IP6K2: variants seen among roughly 807,000 people sequenced by gnomAD.
IP6K2 encodes inositol hexakisphosphate kinase 2.
Under a neutral mutation model 43.3 loss-of-function variants are expected in IP6K2, and 9 were observed. The observed-to-expected ratio is 0.21, with a 90% CI of 0.13 to 0.36. The LOEUF is 0.36. IP6K2 is among the 10% of genes least tolerant of loss of function. The pLI, the probability that IP6K2 is intolerant of heterozygous loss-of-function variation, is 1.00. For missense variants in IP6K2, 332 were observed against 538.4 expected, an observed-to-expected ratio of 0.62 and a Z score of 3.79; for synonymous variants, 209 against 202.4, an observed-to-expected ratio of 1.03 and a Z score of -0.28.
intron 1 of IP6K2, among the ~76,000 whole-genome samples, chr3:48,709,601 G>T (rs1237351472): frequency 6.6e-6 from 1 of 152,176 alleles, no homozygotes; most frequent in East Asian, 1.9e-4. Context: ...CACTTTGGGA[G>T]GCCAAGGCAG....
At chr3:48,713,332 A>C (rs532596168) in intron 1 of IP6K2, among the ~76,000 whole-genome samples, 1 of 152,344 alleles carries the variant, frequency 6.6e-6, no homozygotes, top group African/African-American at 2.4e-5. Flanking sequence ...GCAAGGAGCC[A>C]TAACAGGTGG....
Position 48,712,232 on chromosome 3 carries a change from C to CA in IP6K2, c.-131+4924dup, listed in dbSNP as rs200314397. ...AAAAAAAAGCGAGACCCTGTCTCTA[C>CA]AAAAAAAAAATTTTTTTTTTTTTTT... is the stretch of plus-strand genomic sequence containing the variant. On this transcript the variant is annotated intron_variant, in intron 1 of 5. Transcript: ENST00000328631. 9.0e-3 allele frequency among the ~76,000 whole-genome samples: 1,259 copies of CA among 139,564 alleles called. 22 individuals are homozygous for CA. The highest frequency in any genetic ancestry group is 0.028 in the African/African-American group (1,064 of 37,460). The allele number at this position is 139,564 out of a possible 152,430, so 91.6% of individuals were successfully genotyped here.
chr3:48,699,042 T>A (rs535366869), intron 1 of IP6K2, among the ~76,000 whole-genome samples: 1 of 152,300 alleles, frequency 6.6e-6, no homozygotes, highest in East Asian at 1.9e-4. Flanking sequence ...TGTGTAGGTA[T>A]GTCTTACCCA....
In IP6K2 at chr3:48,695,706, A is replaced by G. The variant is rs2078261414; in HGVS notation, c.-130-285T>C. ...TTAGAAAGCCACTGCCGCAGGCAAA[A>G]CTGATGCCATGGTGAGGTGAAATCA... On this transcript the variant is annotated intron_variant, in intron 1 of 5. Transcript: ENST00000328631. This position sits in a 1 kb window ranked among gnomAD's most constrained non-coding sequence, Gnocchi z 4.6. 3.1e-6 allele frequency: 1 copy of G among 322,140 alleles called. No homozygotes were observed. Among genetic ancestry groups the G allele is most frequent in the South Asian group, 1.6e-4 (1 of 6,322 alleles). 20.0% of individuals were successfully genotyped at this position (322,140 alleles called of 1,614,324 possible).
At chr3:48,691,641 C>G (rs1344137076) in intron 3 of IP6K2, among the ~76,000 whole-genome samples, 159 bp from the exon 4 acceptor site, 2 of 152,032 alleles carry the variant, frequency 1.3e-5, no homozygotes, top group African/African-American at 4.8e-5. Context: ...CAGGGTGAAA[C>G]CCTGTCTCTA....
chr3:48,694,986 G>A, intron 2 of IP6K2, 104 bp downstream of exon 2: 1 of 1,606,646 alleles, frequency 6.2e-7, no homozygotes, highest in Non-Finnish European at 8.5e-7. Flanking sequence ...AGCACAGAGT[G>A]GGAGGGAGTG....
chr3:48,705,460 C>T (rs939217694), intron 1 of IP6K2, among the ~76,000 whole-genome samples: 1 of 151,942 alleles, frequency 6.6e-6, no homozygotes, highest in South Asian at 2.1e-4. Flanking sequence ...GGGCGGATCA[C>T]GAGGTCAAGA....
intron 1 of IP6K2, among the ~76,000 whole-genome samples, chr3:48,714,759 A>G (rs2080990439): frequency 6.6e-6 from 1 of 151,076 alleles, no homozygotes; most frequent in Non-Finnish European, 1.5e-5. Context: ...GAGGCAGGAG[A>G]ATGGCGTGAA....
At position 48,690,402 on chromosome 3, in the gene IP6K2, G is replaced by C. The variant is rs555142386; in HGVS notation, c.605-689C>G. Among the ~76,000 whole-genome samples the C allele has an allele frequency of 7.2e-5, 11 of 152,284 alleles. No individual in the cohort carries two copies. In the South Asian group the frequency reaches 8.3e-4, roughly 11 times the overall value. ...TGTTATCCCAACATTTTGGGAGGCT[G>C]AGGCAGGAGGATCACTTGAGCCCCG... On this transcript the variant is annotated intron_variant, in intron 4 of 5. Coordinates refer to ENST00000328631, the MANE Select transcript of IP6K2 (RefSeq NM_016291.4).
chr3:48,693,193 A>G lies in IP6K2; in HGVS notation c.203-14T>C. 1.3e-6 allele frequency: 2 copies of G among 1,594,154 alleles called. No individual in the cohort carries two copies. The highest frequency in any genetic ancestry group is 1.7e-6 in the Non-Finnish European group (2 of 1,162,120). On this transcript the variant is annotated splice_polypyrimidine_tract_variant and intron_variant, in intron 2 of 5. Transcript: ENST00000328631. ...CAGATACCACACCTGGAAGGGGGTG[A>G]GGAGCAGAAAGAACTTTTAATTTAG...
chr3:48,701,992 T>G (rs1030246473), intron 1 of IP6K2, among the ~76,000 whole-genome samples: 35 of 152,188 alleles, frequency 2.3e-4, no homozygotes, highest in African/African-American at 8.2e-4. Context: ...TCCATTCTAT[T>G]TGGACTCATC....
intron 1 of IP6K2, among the ~76,000 whole-genome samples, chr3:48,706,916 T>G (rs1018388178): frequency 6.6e-6 from 1 of 152,206 alleles, no homozygotes; most frequent in African/African-American, 2.4e-5. Context: ...AATGTGTAAC[T>G]TTTTGTGATT....
intron 4 of IP6K2, 51 bp downstream of exon 4, chr3:48,691,256 T>C: frequency 1.4e-6 from 2 of 1,477,880 alleles, no homozygotes; most frequent in African/African-American, 1.4e-5. Flanking sequence ...GACTTCCTCA[T>C]TTCCTCTCCT....
rs938341018 is a variant in IP6K2, at chr3:48,695,504, G to C, written c.-130-83C>G. ...AGCTGCTCACCCTGCTCCTTCAGCA[G>C]AAAGACAAAGACAAACAGTCTGAGT... is the stretch of plus-strand genomic sequence containing the variant. On this transcript the variant is annotated intron_variant, in intron 1 of 5. Coordinates refer to ENST00000328631, the MANE Select transcript of IP6K2 (RefSeq NM_016291.4). The surrounding 1 kb of genome is among the most constrained non-coding windows in gnomAD (Gnocchi z 4.6). The C allele has an allele frequency of 3.8e-6, 5 of 1,305,074 alleles. No individual in the cohort carries two copies. In the African/African-American group the frequency reaches 7.4e-5, roughly 19 times the overall value. 80.8% of individuals were successfully genotyped at this position (1,305,074 alleles called of 1,614,324 possible).
At position 48,688,741 on chromosome 3, in the gene IP6K2, G is replaced by A. The variant is rs2077526744; in HGVS notation, c.813C>T (p.Phe271=). 1 of 1,613,318 alleles carries A rather than the reference G, an allele frequency of 6.2e-7. No individual in the cohort carries two copies. Among genetic ancestry groups the A allele is most frequent in the East Asian group, 2.2e-5 (1 of 44,878 alleles). ...GCTTCCGTCCATGGTACTTGTTCAT[G>A]AACATGAGCTGCCCACTGCCTGCTT... ...VYQAGSGQLM[F]MNKYHGRKLS... Residue 271 remains phenylalanine, a synonymous_variant, in exon 6 of 6, where the codon TTC becomes TTT. Coordinates refer to ENST00000328631, the MANE Select transcript of IP6K2 (RefSeq NM_016291.4). The surrounding 1 kb of genome is among the most constrained non-coding windows in gnomAD (Gnocchi z 5.1).
rs1272327081 is a variant in IP6K2, at chr3:48,695,461, G to T, written c.-130-40C>A. 2 of 1,399,546 alleles carry T rather than the reference G, an allele frequency of 1.4e-6. No homozygotes were observed. Among genetic ancestry groups the T allele is most frequent in the Non-Finnish European group, 1.9e-6 (2 of 1,074,798 alleles). 86.7% of individuals were successfully genotyped at this position (1,399,546 alleles called of 1,614,324 possible). A position where few individuals can be genotyped will look rare whatever the true frequency, so the allele number is the denominator to read the frequency against. ...AATGATGACATGGGGGTTCGAAGTA[G>T]CGTGGGAAGTGCCTTAGAGCTGCTC... On this transcript the variant is annotated intron_variant, in intron 1 of 5. Coordinates refer to ENST00000328631, the MANE Select transcript of IP6K2 (RefSeq NM_016291.4). This position sits in a 1 kb window ranked among gnomAD's most constrained non-coding sequence, Gnocchi z 4.6.
At chr3:48,703,433 G>A (rs1268040306) in intron 1 of IP6K2, among the ~76,000 whole-genome samples, 3 of 152,004 alleles carry the variant, frequency 2.0e-5, no homozygotes, top group Non-Finnish European at 2.9e-5. Flanking sequence ...GGCCAGGCAC[G>A]GTGGCTCACG....
At chr3:48,700,266 C>T (rs1450926604) in intron 1 of IP6K2, among the ~76,000 whole-genome samples, 3 of 152,088 alleles carry the variant, frequency 2.0e-5, no homozygotes, top group Non-Finnish European at 4.4e-5. Context: ...AAATCAGCTT[C>T]CTCCCTAGGA....
intron 1 of IP6K2, among the ~76,000 whole-genome samples, chr3:48,709,635 G>T: frequency 6.6e-6 from 1 of 152,142 alleles, no homozygotes; most frequent in East Asian, 1.9e-4. Flanking sequence ...TCAGGAGATC[G>T]AGACCATCCT....
Sources: gnomAD v4.1 joint callset for allele counts (sites outside exome capture counted in the v4.1 genomes callset) on GRCh38, gnomAD v4.1.1 for gene constraint, Gnocchi (gnomAD v3.1) non-coding constraint, MANE v1.5 for transcripts, NCBI Gene and HGNC (gene_info 2026-07-23, HGNC 2026-07-21) for gene names.